AGMO: variants seen among roughly 807,000 people sequenced by gnomAD.
AGMO encodes the protein glyceryl-ether monooxygenase.
In AGMO, 75 loss-of-function variants were observed where a neutral mutation model predicts 60.2. The ratio of observed to expected loss-of-function variants is 1.25; its 90% CI spans 1.03 to 1.51. The LOEUF is 1.51. Among genes scored for constraint, AGMO ranks in the 40% most tolerant of loss-of-function variants. The pLI is 0.00. For missense variants in AGMO, 763 were observed against 525.5 expected (o/e 1.45, Z -4.42); for synonymous variants, 261 against 177.1 (o/e 1.47, Z -3.76).
chr7:15,296,057 CAA>C (rs1784396662), intron 12 of AGMO, among the ~76,000 whole-genome samples: 1 of 151,902 alleles, frequency 6.6e-6, no homozygotes, highest in African/African-American at 2.4e-5. Context: ...ACAAGCAAAA[CAA>C]AAATATTTCA....
At chr7:15,441,638 C>A (rs1781558211) in intron 3 of AGMO, among the ~76,000 whole-genome samples, 1 of 152,304 alleles carries the variant, frequency 6.6e-6, no homozygotes, top group East Asian at 1.9e-4. Flanking sequence ...TTGGCAAGCA[C>A]TCCTACGACG....
At chr7:15,162,531 A>T in the AGMO span, among the ~76,000 whole-genome samples, 2 of 152,022 alleles carry the variant, frequency 1.3e-5, no homozygotes, top group East Asian at 3.9e-4. Flanking sequence ...CAGCTCTACA[A>T]CAAAGACAAA....
intron 12 of AGMO, among the ~76,000 whole-genome samples, chr7:15,291,811 A>G (rs752573673): frequency 2.6e-5 from 4 of 152,168 alleles, no homozygotes; most frequent in Non-Finnish European, 4.4e-5. Context: ...GTAAAAACTC[A>G]TAAAGGACAT....
chr7:15,457,302 C>G (rs1782024314), intron 3 of AGMO, among the ~76,000 whole-genome samples: 1 of 152,100 alleles, frequency 6.6e-6, no homozygotes, highest in African/African-American at 2.4e-5. Flanking sequence ...AAATACATGA[C>G]ATTCATTACA....
intron 12 of AGMO, among the ~76,000 whole-genome samples, chr7:15,340,535 C>G (rs1181621826): frequency 6.6e-6 from 1 of 152,114 alleles, no homozygotes; most frequent in Non-Finnish European, 1.5e-5. Context: ...TGTGTGCAGC[C>G]TCAGCACTTG....
intron 12 of AGMO, among the ~76,000 whole-genome samples, chr7:15,354,381 C>T (rs71529379): frequency 0.032 from 463 of 14,278 alleles, 50 homozygotes; most frequent in Middle Eastern, 0.15. Context: ...CGTGTGTATA[C>T]ACGTGTGTGT....
At chr7:15,199,603 T>C (rs371782463), downstream of AGMO, among the ~76,000 whole-genome samples, 2 of 152,170 alleles carry the variant, frequency 1.3e-5, no homozygotes, top group African/African-American at 4.8e-5. Context: ...GAAAAGTCTC[T>C]AGAATGTAGA....
chr7:15,288,267 C>T (rs1464313517), intron 12 of AGMO, among the ~76,000 whole-genome samples: 1 of 151,714 alleles, frequency 6.6e-6, no homozygotes, highest in Non-Finnish European at 1.5e-5. Flanking sequence ...CTCCTGACCT[C>T]GAAAATACAG....
chr7:15,325,842 T>C (rs1781323139), intron 12 of AGMO, among the ~76,000 whole-genome samples: 3 of 152,152 alleles, frequency 2.0e-5, no homozygotes, highest in Non-Finnish European at 2.9e-5. Context: ...CATTTTACTA[T>C]AGCAATTTAT....
intron 12 of AGMO, among the ~76,000 whole-genome samples, chr7:15,350,794 G>A (rs1003654589): frequency 6.6e-6 from 1 of 152,244 alleles, no homozygotes; most frequent in African/African-American, 2.4e-5. Context: ...GCTGTGTATA[G>A]TTTCATTATT....
chr7:15,419,455 A>G (rs12699711), intron 4 of AGMO, among the ~76,000 whole-genome samples: 46,967 of 151,832 alleles, frequency 0.31, 7,978 homozygotes, highest in Middle Eastern at 0.43. Flanking sequence ...TTCACTTTAC[A>G]TTTCTAATTT....
At chr7:15,196,869 T>C (rs1484162805), downstream of AGMO, among the ~76,000 whole-genome samples, 1 of 152,168 alleles carries the variant, frequency 6.6e-6, no homozygotes, top group Non-Finnish European at 1.5e-5. Context: ...TAAATAGTGC[T>C]AGAGTTGTAG....
chr7:15,506,315 A>G (rs1417006474), intron 3 of AGMO, among the ~76,000 whole-genome samples: 2 of 151,990 alleles, frequency 1.3e-5, no homozygotes, highest in African/African-American at 4.8e-5. Flanking sequence ...GGCAGAGGTA[A>G]GTTAAGAAAC....
chr7:15,164,661 T>G, the AGMO span, among the ~76,000 whole-genome samples: 1 of 151,944 alleles, frequency 6.6e-6, no homozygotes, highest in South Asian at 2.1e-4. Flanking sequence ...GCAAATTTTT[T>G]TTCAGAGAAA....
At chr7:15,151,657 G>A in the AGMO span, among the ~76,000 whole-genome samples, 7 of 151,984 alleles carry the variant, frequency 4.6e-5, no homozygotes, top group African/African-American at 9.7e-5. Context: ...TCATTGTGTC[G>A]TGATGTGAGA....
downstream of AGMO, among the ~76,000 whole-genome samples, chr7:15,195,553 T>C (rs772377678): frequency 6.6e-5 from 10 of 152,194 alleles, no homozygotes; most frequent in Non-Finnish European, 1.5e-4. Flanking sequence ...TGTTGTCTGC[T>C]CCTTACCGTA....
At chr7:15,179,289 T>C in the AGMO span, among the ~76,000 whole-genome samples, 47 of 152,096 alleles carry the variant, frequency 3.1e-4, no homozygotes, top group African/African-American at 1.1e-3. Flanking sequence ...CAAATATGAG[T>C]GACACTAAAG....
the AGMO span, among the ~76,000 whole-genome samples, chr7:15,184,424 A>AGGG: frequency 1.4e-5 from 1 of 71,686 alleles, no homozygotes; most frequent in African/African-American, 5.6e-5. Context: ...AAGGAAGGAA[A>AGGG]AGAAGGAAGG....
At chr7:15,394,274 G>C in intron 5 of AGMO, 95 bp from the exon 6 acceptor site, 2 of 966,714 alleles carry the variant, frequency 2.1e-6, no homozygotes, top group South Asian at 2.9e-5. Flanking sequence ...TAAATTAAGA[G>C]ATATTGCGAA....
Sources: allele counts gnomAD v4.1 joint callset (sites outside exome capture counted in the v4.1 genomes callset), GRCh38; gene constraint gnomAD v4.1.1; transcripts MANE v1.5; gene names NCBI Gene and HGNC (gene_info 2026-07-23, HGNC 2026-07-21).